The following STIM2 variants were observed in gnomAD, a reference collection of about 807,000 sequenced individuals.
The protein encoded by STIM2 is stromal interaction molecule 2.
Under a neutral mutation model 85.8 loss-of-function variants are expected in STIM2, and 31 were observed. The observed-to-expected ratio is 0.36, with a 90% CI of 0.27 to 0.49. STIM2 has a LOEUF of 0.49. Among genes scored for constraint, STIM2 ranks in the 20% least tolerant of loss-of-function variants. STIM2 has a pLI of 0.98. For missense variants in STIM2, 841 were observed against 927.6 expected, an observed-to-expected ratio of 0.91 and a Z score of 1.21; for synonymous variants, 356 against 331.1, an observed-to-expected ratio of 1.08 and a Z score of -0.82.
chr4:26,917,353 A>C (rs1202234461), intron 1 of STIM2, among the ~76,000 whole-genome samples: 1 of 151,936 alleles, frequency 6.6e-6, no homozygotes, highest in Non-Finnish European at 1.5e-5. Flanking sequence ...TTTTATGAGG[A>C]TTTTTGTCTG....
chr4:26,906,989 T>C (rs188431338), intron 1 of STIM2, among the ~76,000 whole-genome samples: 88 of 150,702 alleles, frequency 5.8e-4, no homozygotes, highest in African/African-American at 2.1e-3. Flanking sequence ...AAAAAGAATA[T>C]GCAGAAAACA....
Position 26,866,389 on chromosome 4 carries a change from C to T in STIM2, c.151+5020C>T, listed in dbSNP as rs73116644. On this transcript the variant is annotated intron_variant, in intron 1 of 11. Transcript: ENST00000467087. ...TATGCATCCTTATACAAACAACATG[C>T]GATGGATTGTGATTAGCACCACAAG... 3.8e-3 allele frequency among the ~76,000 whole-genome samples: 585 copies of T among 152,056 alleles called. 5 individuals carry two copies. The highest frequency in any genetic ancestry group is 0.013 in the African/African-American group (523 of 41,480).
chr4:26,864,731 C>G (rs536541684), intron 1 of STIM2, among the ~76,000 whole-genome samples: 14 of 152,182 alleles, frequency 9.2e-5, no homozygotes, highest in Admixed American at 8.5e-4. Flanking sequence ...GTATTAAAAT[C>G]TCAATTAAGA....
Position 26,999,267 on chromosome 4 carries a change from A to C in STIM2, c.545A>C (p.Gln182Pro). ...CACGAACCTTCATTTATGATCTCCC[A>C]GTTGAAAATCAGTGACCGGAGTCAC... Residue 182 changes from glutamine (Q) to proline (P), a missense_variant, in exon 5 of 12, where the codon CAG becomes CCG. By Grantham distance (76) the Gln-to-Pro change is moderately conservative. Around this residue, in one of 3 missense-constraint regions of STIM2, gnomAD observed 408 missense variants for 525.4 expected, o/e 0.78. Coordinates refer to ENST00000467087, the MANE Select transcript of STIM2 (RefSeq NM_020860.4). 6.2e-7 allele frequency: 1 copy of C among 1,609,708 alleles called. No individual in the cohort carries two copies. The highest frequency in any genetic ancestry group is 1.3e-5 in the African/African-American group (1 of 74,810).
intron 1 of STIM2, among the ~76,000 whole-genome samples, chr4:26,880,785 T>C (rs1239469751): frequency 6.6e-6 from 1 of 150,766 alleles, no homozygotes. Flanking sequence ...TTAAACCAGA[T>C]ACGGTAACTT....
At chr4:26,931,058 T>G (rs1725188299) in intron 2 of STIM2, among the ~76,000 whole-genome samples, 1 of 152,108 alleles carries the variant, frequency 6.6e-6, no homozygotes, top group Non-Finnish European at 1.5e-5. Context: ...TAGCTGTTAG[T>G]CTCAGAGGTC....
chr4:26,900,291 T>C (rs1723870182), intron 1 of STIM2, among the ~76,000 whole-genome samples: 1 of 152,130 alleles, frequency 6.6e-6, no homozygotes, highest in South Asian at 2.1e-4. Flanking sequence ...ACTAGGTAAT[T>C]GAGAGAAGCT....
chr4:27,021,282 A>T, intron 11 of STIM2: 1 of 495,940 alleles, frequency 2.0e-6, no homozygotes, highest in Admixed American at 3.2e-5. Context: ...TTAATATAAA[A>T]TATCATTTTA....
At chr4:26,889,194 C>T (rs1723371107) in intron 1 of STIM2, among the ~76,000 whole-genome samples, 1 of 152,150 alleles carries the variant, frequency 6.6e-6, no homozygotes, top group South Asian at 2.1e-4. Context: ...GAAATAGCAC[C>T]ATACATTGGA....
intron 2 of STIM2, among the ~76,000 whole-genome samples, chr4:26,920,327 AG>A (rs746129987): frequency 5.3e-5 from 8 of 152,224 alleles, no homozygotes; most frequent in Non-Finnish European, 1.2e-4. Context: ...ATAGATAACC[AG>A]GAAATGTGAT....
chr4:27,012,455 A>T (rs1366240775), intron 10 of STIM2, among the ~76,000 whole-genome samples: 2 of 10,174 alleles, frequency 2.0e-4, no homozygotes, highest in Non-Finnish European at 1.5e-3. Flanking sequence ...TTAAAAAAAG[A>T]TTAATTTTAG....
intron 2 of STIM2, among the ~76,000 whole-genome samples, chr4:26,946,676 A>G (rs1326429448): frequency 6.6e-6 from 1 of 152,170 alleles, no homozygotes; most frequent in East Asian, 1.9e-4. Flanking sequence ...TTTGCTTCCT[A>G]CAAAGCTGAA....
chr4:26,895,318 CTTG>C (rs1359999781), intron 1 of STIM2, among the ~76,000 whole-genome samples: 15 of 152,138 alleles, frequency 9.9e-5, no homozygotes, highest in African/African-American at 3.6e-4. Context: ...GGTCTTGCAG[CTTG>C]TTGTATTTAT....
intron 1 of STIM2, among the ~76,000 whole-genome samples, chr4:26,909,431 C>T (rs1477795162): frequency 1.3e-5 from 2 of 152,114 alleles, no homozygotes; most frequent in Admixed American, 6.5e-5. Context: ...ATTGAAAGTT[C>T]TTTTTTTCTC....
At chr4:26,962,587 TG>T (rs1726518586) in intron 3 of STIM2, among the ~76,000 whole-genome samples, 1 of 134,596 alleles carries the variant, frequency 7.4e-6, no homozygotes, top group Admixed American at 7.7e-5. Flanking sequence ...TGTGTGTGTG[TG>T]TGTGTGTGTG....
intron 1 of STIM2, among the ~76,000 whole-genome samples, chr4:26,896,906 A>G (rs1418380666): frequency 1.3e-5 from 2 of 152,136 alleles, no homozygotes; most frequent in Admixed American, 6.5e-5. Context: ...CCACTTTTAT[A>G]CTTTTGCCAT....
At chr4:26,930,588 T>C (rs1725170924) in intron 2 of STIM2, among the ~76,000 whole-genome samples, 1 of 152,190 alleles carries the variant, frequency 6.6e-6, no homozygotes, top group Admixed American at 6.5e-5. Flanking sequence ...ATGTTACATA[T>C]GCTGCCTTCA....
chr4:27,003,219 G>T, intron 7 of STIM2, 115 bp downstream of exon 7: 1 of 948,292 alleles, frequency 1.1e-6, no homozygotes, highest in Non-Finnish European at 1.5e-6. Flanking sequence ...TTCCTCAGTT[G>T]ATAAAAGACT....
intron 1 of STIM2, among the ~76,000 whole-genome samples, chr4:26,886,082 A>C (rs190235047): frequency 6.6e-6 from 1 of 151,934 alleles, no homozygotes; most frequent in Non-Finnish European, 1.5e-5. Context: ...TTTGAGGTTC[A>C]GTGGAACAGA....
Sources: gnomAD v4.1 joint callset for allele counts (sites outside exome capture counted in the v4.1 genomes callset) on GRCh38, gnomAD v4.1.1 for gene constraint, gnomAD v4.1.1 regional missense constraint, MANE v1.5 for transcripts, NCBI Gene and HGNC (gene_info 2026-07-23, HGNC 2026-07-21) for gene names.